Variants in ADAMTSL1 observed in about 807,000 individuals in gnomAD.
ADAMTSL1 encodes ADAMTS like 1, also known as ADAMTS-like protein 1.
Under a neutral mutation model 201.8 loss-of-function variants are expected in ADAMTSL1, and 126 were observed. That is an observed-to-expected ratio of 0.62 (90% confidence interval 0.54 to 0.72). The LOEUF (loss-of-function observed/expected upper bound fraction) is 0.72. Ranked by LOEUF, ADAMTSL1 falls within the 30% of genes least tolerant of loss-of-function variation. The probability of loss-of-function intolerance (pLI) is 0.00; values close to 1 mark genes in which losing one functional copy is unlikely to be tolerated. For missense variants in ADAMTSL1, 2,679 were observed against 2,277.8 expected (o/e 1.18, Z -3.59); for synonymous variants, 1,121 against 903.4 (o/e 1.24, Z -4.32).
At position 18,758,620 on chromosome 9, in the gene ADAMTSL1, C is replaced by G. The variant is rs56277553; in HGVS notation, c.2217+5112C>G. ...TGCTAATTCTGTCCCTTCATCCTCTCTCTCTGACTCAGACCCTCCTGCCTC... is the reference window on the plus strand; with the variant it reads ...TGCTAATTCTGTCCCTTCATCCTCTGTCTCTGACTCAGACCCTCCTGCCTC... On this transcript the variant is annotated intron_variant, in intron 16 of 28. Coordinates refer to ENST00000380548, the MANE Select transcript of ADAMTSL1 (RefSeq NM_001040272.6). Among the ~76,000 whole-genome samples, 8 of 152,312 alleles carry G rather than the reference C, an allele frequency of 5.3e-5. 1 individual carries two copies. The South Asian group carries it at 1.7e-3, about 32-fold the overall frequency.
intron 15 of ADAMTSL1, among the ~76,000 whole-genome samples, chr9:18,749,337 C>A (rs188194009): frequency 1.3e-5 from 2 of 152,170 alleles, no homozygotes; most frequent in Admixed American, 1.3e-4. Flanking sequence ...ATTAATGGGA[C>A]CATACAGTAA....
At chr9:18,336,515 G>A (rs982697888) in intron 2 of ADAMTSL1, among the ~76,000 whole-genome samples, 5 of 152,032 alleles carry the variant, frequency 3.3e-5, no homozygotes, top group African/African-American at 7.2e-5. Flanking sequence ...AATCTGCAGG[G>A]CTAAATATGT....
intron 5 of ADAMTSL1, 64 bp downstream of exon 5, chr9:18,622,433 G>C (rs746132221): frequency 9.9e-6 from 16 of 1,608,170 alleles, no homozygotes; most frequent in Non-Finnish European, 1.3e-5. Flanking sequence ...GCTTAGGTCT[G>C]GCCCCACTAA....
intron 19 of ADAMTSL1, among the ~76,000 whole-genome samples, chr9:18,790,821 A>G (rs562893383): frequency 6.6e-6 from 1 of 152,328 alleles, no homozygotes; most frequent in East Asian, 1.9e-4. Context: ...TTAGGCTAGA[A>G]AAATAAAAAG....
chr9:18,632,762 TAA>T (rs1826857515), intron 5 of ADAMTSL1, among the ~76,000 whole-genome samples: 1 of 152,170 alleles, frequency 6.6e-6, no homozygotes, highest in East Asian at 1.9e-4. Context: ...GAATAATATA[TAA>T]GAGAAGGCTG....
chr9:18,619,324 A>G (rs1345373634), intron 4 of ADAMTSL1, among the ~76,000 whole-genome samples: 2 of 152,184 alleles, frequency 1.3e-5, no homozygotes, highest in African/African-American at 4.8e-5. Context: ...AGAACATTTT[A>G]TCTGATATAA....
At chr9:18,300,221 T>G (rs922502472) in intron 2 of ADAMTSL1, among the ~76,000 whole-genome samples, 6 of 152,138 alleles carry the variant, frequency 3.9e-5, no homozygotes, top group African/African-American at 1.4e-4. Context: ...GAAATGTCCA[T>G]CAATGATAGA....
chr9:18,531,415 CCTTTTGTCTAGGACA>C (rs563296399), intron 2 of ADAMTSL1, among the ~76,000 whole-genome samples: 164 of 152,248 alleles, frequency 1.1e-3, no homozygotes, highest in African/African-American at 3.7e-3. Flanking sequence ...AATTCATTCG[CCTTTTGTCTAGGACA>C]TTGCTGGACT....
At chr9:18,812,967 CTTTT>C (rs35159482) in intron 20 of ADAMTSL1, among the ~76,000 whole-genome samples, 2 of 118,634 alleles carry the variant, frequency 1.7e-5, no homozygotes, top group Non-Finnish European at 1.7e-5. Flanking sequence ...CAGCTATGTA[CTTTT>C]TTTTTTTTTT....
At chr9:18,372,162 C>T (rs1347364213) in intron 2 of ADAMTSL1, among the ~76,000 whole-genome samples, 1 of 152,126 alleles carries the variant, frequency 6.6e-6, no homozygotes, top group African/African-American at 2.4e-5. Context: ...AATTTGTCTA[C>T]CGTACAGCAC....
intron 7 of ADAMTSL1, among the ~76,000 whole-genome samples, chr9:18,648,738 A>G (rs1005451623): frequency 1.6e-4 from 25 of 152,022 alleles, no homozygotes; most frequent in African/African-American, 5.8e-4. Context: ...TGGCTTGTAG[A>G]GTTTCTGCCG....
intron 3 of ADAMTSL1, among the ~76,000 whole-genome samples, chr9:18,553,151 T>C (rs946161556): frequency 6.6e-6 from 1 of 151,406 alleles, no homozygotes; most frequent in African/African-American, 2.4e-5. Flanking sequence ...TGATCTCTAG[T>C]TGGCCTGCTT....
chr9:18,044,545 G>C (rs537402956), intron 1 of ADAMTSL1, among the ~76,000 whole-genome samples: 1 of 152,218 alleles, frequency 6.6e-6, no homozygotes, highest in East Asian at 1.9e-4. Flanking sequence ...CAGATGATTG[G>C]ATTGGCTTTT....
At chr9:18,696,697 G>C (rs1002904043) in intron 13 of ADAMTSL1, among the ~76,000 whole-genome samples, 9 of 152,070 alleles carry the variant, frequency 5.9e-5, no homozygotes, top group Non-Finnish European at 8.8e-5. Context: ...CAGCCTGCCA[G>C]AGTTCAAGTC....
At chr9:18,391,960 G>C (rs950965510) in intron 2 of ADAMTSL1, among the ~76,000 whole-genome samples, 9 of 151,730 alleles carry the variant, frequency 5.9e-5, no homozygotes, top group African/African-American at 1.9e-4. Context: ...TAGTAGCTGG[G>C]ACTACAGGTG....
At chr9:18,861,397 T>A (rs903845568) in intron 23 of ADAMTSL1, among the ~76,000 whole-genome samples, 3 of 152,176 alleles carry the variant, frequency 2.0e-5, no homozygotes, top group African/African-American at 7.2e-5. Context: ...CCTAAGTCCA[T>A]GTGAATCTCG....
At chr9:18,283,960 G>A (rs558454626) in intron 2 of ADAMTSL1, among the ~76,000 whole-genome samples, 1 of 135,970 alleles carries the variant, frequency 7.4e-6, no homozygotes, top group Non-Finnish European at 1.6e-5. Context: ...GCTGGGTGTG[G>A]TGGCTCACAC....
At chr9:18,018,672 ACCCAATTGAGTCTT>A (rs1384554033) in intron 1 of ADAMTSL1, among the ~76,000 whole-genome samples, 1 of 151,912 alleles carries the variant, frequency 6.6e-6, no homozygotes, top group African/African-American at 2.4e-5. Flanking sequence ...CACTCCCTCA[ACCCAATTGAGTCTT>A]CGGATGAGAC....
At chr9:18,891,194 T>C (rs1027949121) in intron 25 of ADAMTSL1, among the ~76,000 whole-genome samples, 1 of 142,210 alleles carries the variant, frequency 7.0e-6, no homozygotes, top group Non-Finnish European at 1.6e-5. Context: ...GACGAAGCCA[T>C]AGGTTCACCT....
Sources: allele counts gnomAD v4.1 joint callset (sites outside exome capture counted in the v4.1 genomes callset), GRCh38; gene constraint gnomAD v4.1.1; transcripts MANE v1.5; gene names NCBI Gene and HGNC (gene_info 2026-07-23, HGNC 2026-07-21).